NRG2: variants seen among roughly 807,000 people sequenced by gnomAD.
NRG2 encodes the protein pro-neuregulin-2, membrane-bound isoform.
NRG2 carries 27 observed loss-of-function variants against 73.9 expected under a neutral mutation model. That is an observed-to-expected ratio of 0.37 (90% CI 0.27 to 0.50). NRG2 has a LOEUF of 0.50. NRG2 is among the 20% of genes least tolerant of loss of function. NRG2 has a pLI of 0.96. For synonymous variants in NRG2, 532 were observed against 541.0 expected, an observed-to-expected ratio of 0.98 and a Z score of 0.23; for missense variants, 1,126 against 1,210.1, an observed-to-expected ratio of 0.93 and a Z score of 1.03.
chr5:139,927,345 C>T (rs1199876120), intron 1 of NRG2, among the ~76,000 whole-genome samples: 1 of 151,974 alleles, frequency 6.6e-6, no homozygotes, highest in Non-Finnish European at 1.5e-5. Flanking sequence ...GCCCTATTGC[C>T]CTGTTGCATT....
intron 1 of NRG2, among the ~76,000 whole-genome samples, chr5:139,999,506 C>A (rs1378213215): frequency 6.6e-6 from 1 of 152,194 alleles, no homozygotes; most frequent in Non-Finnish European, 1.5e-5. Context: ...GCAAACCTGG[C>A]CTGCATTGCC....
intron 5 of NRG2, among the ~76,000 whole-genome samples, chr5:139,860,724 C>G (rs1762096578): frequency 6.6e-6 from 1 of 152,108 alleles, no homozygotes; most frequent in Admixed American, 6.5e-5. Context: ...GAAGTGGGAT[C>G]CTGTTTTGAA....
intron 1 of NRG2, among the ~76,000 whole-genome samples, chr5:139,918,672 C>T (rs1235883321): frequency 6.6e-6 from 1 of 152,072 alleles, no homozygotes; most frequent in East Asian, 1.9e-4. Flanking sequence ...GCTATTTAGA[C>T]AGGTTGGATT....
intron 1 of NRG2, among the ~76,000 whole-genome samples, chr5:139,903,122 A>G (rs1478080898): frequency 6.6e-6 from 1 of 152,120 alleles, no homozygotes; most frequent in Non-Finnish European, 1.5e-5. Flanking sequence ...CTCAAGCACC[A>G]TCGAAGCCTC....
intron 1 of NRG2, among the ~76,000 whole-genome samples, chr5:140,025,002 C>T (rs1760570405): frequency 6.6e-6 from 1 of 152,166 alleles, no homozygotes; most frequent in Non-Finnish European, 1.5e-5. Context: ...AACAAAAGCC[C>T]AGAATGTAAG....
chr5:139,874,103 T>G (rs1763028089), intron 3 of NRG2, among the ~76,000 whole-genome samples: 1 of 152,246 alleles, frequency 6.6e-6, no homozygotes, highest in Non-Finnish European at 1.5e-5. Flanking sequence ...AGCCCAACTC[T>G]GCCAGTGGCA....
intron 1 of NRG2, among the ~76,000 whole-genome samples, chr5:139,967,839 G>A (rs949614955): frequency 1.3e-5 from 2 of 151,904 alleles, no homozygotes; most frequent in Non-Finnish European, 2.9e-5. Flanking sequence ...GGCGCCTGTA[G>A]TCCCAGCTAC....
Position 140,042,888 on chromosome 5 carries a change from G to C in NRG2, c.182C>G (p.Ala61Gly). 1 of 1,520,584 alleles carries C rather than the reference G, an allele frequency of 6.6e-7. No homozygotes were observed. The highest frequency in any genetic ancestry group is 8.8e-7 in the Non-Finnish European group (1 of 1,135,784). 94.2% of individuals were successfully genotyped at this position (1,520,584 alleles called of 1,614,324 possible). The change falls in exon 1 of 10, where the codon GCG becomes GGG. Residue 61 changes from alanine (A) to glycine (G), a missense_variant. Ala to Gly is a moderately conservative substitution (Grantham distance 60, BLOSUM62 0). This residue lies in a region of NRG2 where 185 missense variants were observed against 149.0 expected (regional missense o/e 1.24). Coordinates refer to ENST00000361474, the MANE Select transcript of NRG2 (RefSeq NM_004883.3). ...TTGCTGCGGCCGCGGCTCTGGGGGC[G>C]CAGCGGGACGAGAGATGCTGCTGTT... ...SNNSSISRPA[A>G]PPEPRPQQQP...
chr5:140,019,285 T>C (rs1418679924), intron 1 of NRG2, among the ~76,000 whole-genome samples: 1 of 152,132 alleles, frequency 6.6e-6, no homozygotes, highest in Admixed American at 6.5e-5. Flanking sequence ...ACAGCCCAGT[T>C]CCAACAAGGG....
chr5:139,948,409 C>G (rs1753956849), intron 1 of NRG2, among the ~76,000 whole-genome samples: 1 of 152,116 alleles, frequency 6.6e-6, no homozygotes, highest in African/African-American at 2.4e-5. Flanking sequence ...ACTCTTTCTC[C>G]CACACAGAGG....
At chr5:139,926,124 G>C (rs565898310) in intron 1 of NRG2, among the ~76,000 whole-genome samples, 2 of 152,358 alleles carry the variant, frequency 1.3e-5, no homozygotes, top group South Asian at 2.1e-4. Flanking sequence ...CACAGGAAGA[G>C]AGCAGAAGTA....
At chr5:139,902,865 T>A (rs575604787) in intron 1 of NRG2, among the ~76,000 whole-genome samples, 32 of 152,360 alleles carry the variant, frequency 2.1e-4, no homozygotes, top group Non-Finnish European at 4.1e-4. Flanking sequence ...AGGCTCCTCA[T>A]AGCAGACCAC....
intron 1 of NRG2, among the ~76,000 whole-genome samples, chr5:139,942,532 A>G (rs948855852): frequency 6.6e-6 from 1 of 152,222 alleles, no homozygotes; most frequent in Non-Finnish European, 1.5e-5. Flanking sequence ...CAAATTCTTC[A>G]GTGACTTCAA....
intron 1 of NRG2, among the ~76,000 whole-genome samples, chr5:139,968,235 G>A (rs185732608): frequency 1.6e-3 from 250 of 152,314 alleles, no homozygotes; most frequent in African/African-American, 5.7e-3. Context: ...CTGAGAAGGG[G>A]TGAGAAGGGA....
chr5:140,019,855 C>CAATTCTCCTGCCTCATCTCCCAAG (rs1760084289), intron 1 of NRG2, among the ~76,000 whole-genome samples: 2 of 152,198 alleles, frequency 1.3e-5, no homozygotes, highest in Admixed American at 1.3e-4. Flanking sequence ...TGGATTAAAA[C>CAATTCTCCTGCCTCATCTCCCAAG]AATTCTCCTG....
intron 1 of NRG2, among the ~76,000 whole-genome samples, chr5:139,936,713 C>T (rs1364290486): frequency 6.6e-6 from 1 of 152,058 alleles, no homozygotes; most frequent in Non-Finnish European, 1.5e-5. Flanking sequence ...GAAAAGAAAA[C>T]TATATTCCAA....
In NRG2 at chr5:140,042,967, T is replaced by C. The variant is rs1369720471; in HGVS notation, c.103A>G (p.Ser35Gly). 5 of 1,545,910 alleles carry C rather than the reference T, an allele frequency of 3.2e-6. No homozygotes were observed. The Admixed American group carries it at 7.8e-5, about 24-fold the overall frequency. The change falls in exon 1 of 10, where the codon AGC (serine) becomes GGC (glycine). Residue 35 changes from serine (S) to glycine (G), a missense_variant. Physicochemically the swap from Ser to Gly is moderately conservative, Grantham distance 56 (BLOSUM62 0). Transcript: ENST00000361474. The part of the protein sequence containing the change: ...SSSSSSERSS[S>G]SSSSSSESGS... ...CTCTCGCTGCTGCTGCTGCTGCTGCTGCTGCTCCTCTCGCTGCTGCTGCTG... is the reference window on the plus strand; with the variant it reads ...CTCTCGCTGCTGCTGCTGCTGCTGCCGCTGCTCCTCTCGCTGCTGCTGCTG...
chr5:139,865,147 C>T lies in NRG2; in HGVS notation c.1189+402G>A. ...GTTGACCATTGCGAACTGCTGACACCTGTCCCCGGTGTATCCCACAGGACA... is the reference window on the plus strand; with the variant it reads ...GTTGACCATTGCGAACTGCTGACACTTGTCCCCGGTGTATCCCACAGGACA... On this transcript the variant is annotated intron_variant, in intron 5 of 9. Coordinates refer to ENST00000361474, the MANE Select transcript of NRG2 (RefSeq NM_004883.3). The surrounding 1 kb of genome is among the most constrained non-coding windows in gnomAD (Gnocchi z 5.2). The T allele has an allele frequency of 6.2e-7, 1 of 1,613,928 alleles. No homozygotes were observed. Among genetic ancestry groups the T allele is most frequent in the Non-Finnish European group, 8.5e-7 (1 of 1,179,846 alleles).
chr5:139,848,168 C>T lies in NRG2; in HGVS notation c.2302G>A (p.Gly768Ser). Residue 768 changes from glycine to serine, a missense_variant, in exon 10 of 10, where the codon GGC becomes AGC. Physicochemically the swap from Gly to Ser is moderately conservative, Grantham distance 56. This residue lies in a region of NRG2 where 402 missense variants were observed against 357.8 expected (regional missense o/e 1.12). Coordinates refer to ENST00000361474, the MANE Select transcript of NRG2 (RefSeq NM_004883.3). ...AARDSLSLSS[G>S]SGGGSASASD... is the part of the protein sequence containing the mutation. ...GCCGAGGCTGAGCCGCCGCCCGAGC[C>T]GCTGCTCAGCGACAGCGAGTCCCTC... 3 of 1,428,522 alleles carry T rather than the reference C, an allele frequency of 2.1e-6. No homozygotes were observed. Among genetic ancestry groups the T allele is most frequent in the South Asian group, 1.4e-5 (1 of 71,174 alleles). 88.5% of individuals were successfully genotyped at this position (1,428,522 alleles called of 1,614,324 possible). A position where few individuals can be genotyped will look rare whatever the true frequency, so the allele number is the denominator to read the frequency against.
Sources: gnomAD v4.1 joint callset for allele counts (sites outside exome capture counted in the v4.1 genomes callset) on GRCh38, gnomAD v4.1.1 for gene constraint, gnomAD v4.1.1 regional missense constraint, Gnocchi (gnomAD v3.1) non-coding constraint, MANE v1.5 for transcripts, NCBI Gene and HGNC (gene_info 2026-07-23, HGNC 2026-07-21) for gene names.